Variants in FAM227B observed in about 807,000 individuals in gnomAD.
FAM227B encodes family with sequence similarity 227 member B, also known as protein FAM227B.
Under a neutral mutation model 73.8 loss-of-function variants are expected in FAM227B, and 88 were observed. The observed-to-expected ratio is 1.19, with a 90% CI of 1.00 to 1.42. The LOEUF (loss-of-function observed/expected upper bound fraction) is 1.42. FAM227B is among the 40% of genes most tolerant of loss of function. FAM227B has a pLI of 0.00. For synonymous variants in FAM227B, 210 were observed against 190.5 expected (o/e 1.10, Z -0.84); for missense variants, 632 against 590.9 (o/e 1.07, Z -0.72).
chr15:49,538,458 T>C (rs535648388), intron 10 of FAM227B, among the ~76,000 whole-genome samples: 1 of 152,272 alleles, frequency 6.6e-6, no homozygotes, highest in South Asian at 2.1e-4. Flanking sequence ...AGCAGGATGC[T>C]CTGGTAGGCT....
intron 11 of FAM227B, among the ~76,000 whole-genome samples, chr15:49,407,907 T>A (rs2048628702): frequency 6.6e-6 from 1 of 152,040 alleles, no homozygotes; most frequent in Non-Finnish European, 1.5e-5. Flanking sequence ...AGTTTTTGCC[T>A]TTCTAGAACA....
At chr15:49,549,021 ATTAT>A (rs1347756941) in intron 9 of FAM227B, among the ~76,000 whole-genome samples, 1 of 151,646 alleles carries the variant, frequency 6.6e-6, no homozygotes, top group Admixed American at 6.6e-5. Flanking sequence ...TCTGATCTTT[ATTAT>A]TTATTTTCTT....
chr15:49,407,629 G>A (rs1425320047), intron 11 of FAM227B, among the ~76,000 whole-genome samples: 1 of 147,272 alleles, frequency 6.8e-6, no homozygotes, highest in Non-Finnish European at 1.5e-5. Context: ...TAATATATAT[G>A]TATTTAATAT....
In FAM227B at chr15:49,395,875, T is replaced by C. The variant is rs867608852; in HGVS notation, c.1013-24476A>G. 9 of 451,298 alleles carry C rather than the reference T, an allele frequency of 2.0e-5. No homozygotes were observed. The Middle Eastern group carries it at 2.7e-3, about 134-fold the overall frequency. The allele number at this position is 451,298 out of a possible 1,614,324, so 28.0% of individuals were successfully genotyped here. ...AGGATAGAATTGAATCTCTCTAAATTTTCATGGCTGAGGATTCAGAAACTT... is the reference window on the plus strand; with the variant it reads ...AGGATAGAATTGAATCTCTCTAAATCTTCATGGCTGAGGATTCAGAAACTT... On this transcript the variant is annotated intron_variant, in intron 11 of 15. Transcript: ENST00000299338.
chr15:49,429,245 T>C (rs1361876332), intron 11 of FAM227B, among the ~76,000 whole-genome samples: 1 of 152,032 alleles, frequency 6.6e-6, no homozygotes, highest in Non-Finnish European at 1.5e-5. Context: ...TAGAATCTTG[T>C]AGAACTGGTG....
chr15:49,328,024 G>A lies in FAM227B; in HGVS notation c.*544C>T, dbSNP rs371198789. On this transcript the variant is annotated 3_prime_UTR_variant, in exon 16 of 16. Coordinates refer to ENST00000299338, the MANE Select transcript of FAM227B (RefSeq NM_152647.3). Reference sequence around the variant, plus strand: ...GCTGCACAGTATCAATGGTACCTGCGGACAAGCTGCCCAGCTTTCTAGCAA... The same window carrying A: ...GCTGCACAGTATCAATGGTACCTGCAGACAAGCTGCCCAGCTTTCTAGCAA... The A allele has an allele frequency of 4.0e-5, 65 of 1,613,816 alleles. No homozygotes were observed. In the African/African-American group the frequency reaches 4.3e-4, roughly 11 times the overall value.
intron 11 of FAM227B, among the ~76,000 whole-genome samples, chr15:49,437,154 C>A (rs1196597666): frequency 6.6e-6 from 1 of 151,324 alleles, no homozygotes; most frequent in Non-Finnish European, 1.5e-5. Context: ...TAATAATTAT[C>A]CAGACACTAC....
intron 1 of FAM227B, among the ~76,000 whole-genome samples, chr15:49,616,078 C>T (rs1433818445): frequency 2.0e-5 from 3 of 152,116 alleles, no homozygotes; most frequent in Non-Finnish European, 2.9e-5. Flanking sequence ...GAACCTGAAC[C>T]TGAAATTATG....
chr15:49,413,088 C>G (rs1052607858), intron 11 of FAM227B, among the ~76,000 whole-genome samples: 3 of 152,114 alleles, frequency 2.0e-5, no homozygotes, highest in African/African-American at 7.2e-5. Flanking sequence ...TCCTCTTTGT[C>G]TCTTACATTG....
chr15:49,372,508 C>T (rs1232671573), intron 11 of FAM227B, among the ~76,000 whole-genome samples: 1 of 152,172 alleles, frequency 6.6e-6, no homozygotes, highest in Non-Finnish European at 1.5e-5. Flanking sequence ...TGGGCCTCTG[C>T]CTGTCAGAGT....
rs763375373 is a variant in FAM227B, at chr15:49,575,062, G to A, written c.594C>T (p.Ser198=). ...AAAAGGAGTCATGCAAAAGAGCAAT[G>A]GAGGCTTCTGAGAGAAAATGAGTCT... ...IWKTHFLSEA[S]IALLHDSFWW... The change falls in exon 8 of 16, where the codon TCC becomes TCT. Residue 198 remains serine, a synonymous_variant. Transcript: ENST00000299338. 6.2e-7 allele frequency: 1 copy of A among 1,601,136 alleles called. No homozygotes were observed. Among genetic ancestry groups the A allele is most frequent in the Non-Finnish European group, 8.5e-7 (1 of 1,173,042 alleles).
At chr15:49,574,855 C>CT in intron 8 of FAM227B, 156 bp downstream of exon 8, 3 of 439,092 alleles carry the variant, frequency 6.8e-6, no homozygotes, top group Non-Finnish European at 8.2e-6. Context: ...TGAAAGAACT[C>CT]TAGACATCAT....
intron 11 of FAM227B, among the ~76,000 whole-genome samples, chr15:49,495,521 C>T (rs548208574): frequency 6.6e-6 from 1 of 152,134 alleles, no homozygotes; most frequent in Non-Finnish European, 1.5e-5. Context: ...TATGTCTGAC[C>T]ATATTAATAG....
chr15:49,412,280 A>T (rs913549653), intron 11 of FAM227B, among the ~76,000 whole-genome samples: 13 of 152,174 alleles, frequency 8.5e-5, no homozygotes, highest in African/African-American at 3.1e-4. Context: ...TTTTCTTGGC[A>T]TTAGACAATA....
rs147218231 is a variant in FAM227B, at chr15:49,328,132, T to C, written c.*436A>G. ...GTTTGTTTGCTACCAAACCTGGAGG[T>C]GGGGCTTTGGTTTTGCTTGAGGCCT... On this transcript the variant is annotated 3_prime_UTR_variant, in exon 16 of 16. Coordinates refer to ENST00000299338, the MANE Select transcript of FAM227B (RefSeq NM_152647.3). The C allele has an allele frequency of 6.1e-4, 981 of 1,613,836 alleles. 10 individuals carry two copies. The African/African-American group carries it at 0.012, about 20-fold the overall frequency.
Position 49,396,164 on chromosome 15 carries a change from C to T in FAM227B, c.1013-24765G>A, listed in dbSNP as rs577174313. On this transcript the variant is annotated intron_variant, in intron 11 of 15. Coordinates refer to ENST00000299338, the MANE Select transcript of FAM227B (RefSeq NM_152647.3). ...TCACCGTGTGCGAGCCGAAGCAGGG[C>T]GAGGCATTGCCTCACTTGGGAAGCG... 7.4e-5 allele frequency: 26 copies of T among 352,748 alleles called. 1 individual carries two copies. In the Middle Eastern group the frequency reaches 4.0e-3, roughly 54 times the overall value. The allele number at this position is 352,748 out of a possible 1,614,324, so 21.9% of individuals were successfully genotyped here. A position where few individuals can be genotyped will look rare whatever the true frequency, so the allele number is the denominator to read the frequency against.
In FAM227B at chr15:49,332,087, C is replaced by CCCCA. The variant is rs907403896; in HGVS notation, c.1350-239_1350-238insTGGG. ...CACCCCCGCTGCATGTGCACACGTG[C>CCCCA]CACACACACACACACACACACACAC... On this transcript the variant is annotated intron_variant, in intron 14 of 15. Transcript: ENST00000299338. Among the ~76,000 whole-genome samples the CCCCA allele has an allele frequency of 2.7e-4, 35 of 127,986 alleles. 1 individual carries two copies. The highest frequency in any genetic ancestry group is 8.2e-4 in the African/African-American group (32 of 39,018). The allele number at this position is 127,986 out of a possible 152,430, so 84.0% of individuals were successfully genotyped here.
intron 11 of FAM227B, among the ~76,000 whole-genome samples, chr15:49,391,727 A>G (rs1379049892): frequency 6.6e-6 from 1 of 152,120 alleles, no homozygotes; most frequent in Non-Finnish European, 1.5e-5. Flanking sequence ...CCCCCACTTC[A>G]AGATAGCCTG....
At chr15:49,493,021 GA>G (rs1295165738) in intron 11 of FAM227B, among the ~76,000 whole-genome samples, 1 of 151,718 alleles carries the variant, frequency 6.6e-6, no homozygotes, top group Non-Finnish European at 1.5e-5. Context: ...ACTGTGTCCT[GA>G]ATCTTCTTCT....
Sources: gnomAD v4.1 joint callset for allele counts (sites outside exome capture counted in the v4.1 genomes callset) on GRCh38, gnomAD v4.1.1 for gene constraint, MANE v1.5 for transcripts, NCBI Gene and HGNC (gene_info 2026-07-23, HGNC 2026-07-21) for gene names.